The following PTPRB variants were observed in gnomAD, a reference collection of about 807,000 sequenced individuals.
PTPRB encodes protein tyrosine phosphatase receptor type B.
A neutral mutation model predicts 238.1 loss-of-function variants in PTPRB; 97 were observed. The ratio of observed to expected loss-of-function variants is 0.41; its 90% CI spans 0.35 to 0.48. The LOEUF is 0.48. Among genes scored for constraint, PTPRB ranks in the 20% least tolerant of loss-of-function variants. The pLI is 0.30. For missense variants in PTPRB, 2,292 were observed against 2,681.9 expected (o/e 0.85, Z 3.21); for synonymous variants, 970 against 995.4 (o/e 0.97, Z 0.48).
At chr12:70,607,387 A>G (rs1303858637) in intron 4 of PTPRB, among the ~76,000 whole-genome samples, 3 of 152,216 alleles carry the variant, frequency 2.0e-5, no homozygotes, top group African/African-American at 7.2e-5. Flanking sequence ...TCACAGTATT[A>G]GCAATATGAG....
chr12:70,579,119 T>TA (rs1393467897), intron 10 of PTPRB, among the ~76,000 whole-genome samples: 1 of 152,208 alleles, frequency 6.6e-6, no homozygotes, highest in Non-Finnish European at 1.5e-5. Context: ...ATGTGACTGA[T>TA]ACAACTGCAA....
chr12:70,546,755 G>T (rs965724337), intron 21 of PTPRB, among the ~76,000 whole-genome samples: 6 of 152,174 alleles, frequency 3.9e-5, no homozygotes, highest in Non-Finnish European at 7.4e-5. Flanking sequence ...GTCACTGGGG[G>T]TTGGAAGATG....
intron 11 of PTPRB, 43 bp downstream of exon 11, chr12:70,576,339 T>A: frequency 1.3e-6 from 2 of 1,590,930 alleles, no homozygotes; most frequent in Non-Finnish European, 1.7e-6. Flanking sequence ...GAGCCACATG[T>A]GAATTGGTTC....
At chr12:70,576,668 G>GGT (rs1880765888) in intron 10 of PTPRB, 23 bp from the exon 11 acceptor site, 1 of 284,858 alleles carries the variant, frequency 3.5e-6, no homozygotes, top group African/African-American at 3.6e-5. Flanking sequence ...AAGGTGGGGG[G>GGT]CGGGGGGGGG....
At chr12:70,544,079 A>C (rs991647102) in intron 22 of PTPRB, among the ~76,000 whole-genome samples, 2 of 152,212 alleles carry the variant, frequency 1.3e-5, no homozygotes, top group African/African-American at 4.8e-5. Flanking sequence ...GGTTTTTAGT[A>C]CTACAAAGTC....
chr12:70,560,567 A>G lies in PTPRB; in HGVS notation c.4432+104T>C. 6.9e-7 allele frequency: 1 copy of G among 1,441,056 alleles called. No individual in the cohort carries two copies. 89.3% of individuals were successfully genotyped at this position (1,441,056 alleles called of 1,614,324 possible). On this transcript the variant is annotated intron_variant, in intron 17 of 33. Coordinates refer to ENST00000334414, the MANE Select transcript of PTPRB (RefSeq NM_001109754.4). This position sits in a 1 kb window ranked among gnomAD's most constrained non-coding sequence, Gnocchi z 4.2. Reference sequence around the variant, plus strand: ...CCAAATTCAGGGGCTAGCTCAGGGTATATCATTATTGGCTTTATCTCTTGT... The same window carrying G: ...CCAAATTCAGGGGCTAGCTCAGGGTGTATCATTATTGGCTTTATCTCTTGT...
At chr12:70,562,770 A>C in intron 16 of PTPRB, 74 bp downstream of exon 16, 2 of 1,537,112 alleles carry the variant, frequency 1.3e-6, no homozygotes, top group Non-Finnish European at 1.8e-6. Context: ...GAAACTAAGG[A>C]CCAACCAAGG....
At chr12:70,555,755 A>G in intron 19 of PTPRB, 115 bp downstream of exon 19, 1 of 1,321,766 alleles carries the variant, frequency 7.6e-7, no homozygotes, top group South Asian at 1.5e-5. Flanking sequence ...AGACAGGCTT[A>G]TGCAAAAGTG....
chr12:70,602,690 C>T (rs1212599241), intron 4 of PTPRB, among the ~76,000 whole-genome samples: 1 of 152,114 alleles, frequency 6.6e-6, no homozygotes, highest in East Asian at 1.9e-4. Flanking sequence ...ATAGATGAAA[C>T]AAGGTTGGCC....
Position 70,588,109 on chromosome 12 carries a change from AAAAAGAAAAG to A in PTPRB, c.2051-852_2051-843del, listed in dbSNP as rs1170649760. Reference sequence around the variant, plus strand: ...AGACTCTGTCTCAAAAAAAAAAAAAAAAAAGAAAAGAAAAGAAAAGAAAAGAATAAAGTGT... The same window carrying A: ...AGACTCTGTCTCAAAAAAAAAAAAAAAAAAGAAAAGAAAAGAATAAAGTGT... On this transcript the variant is annotated intron_variant, in intron 8 of 33. Transcript: ENST00000334414. Among the ~76,000 whole-genome samples the A allele has an allele frequency of 2.1e-3, 287 of 137,036 alleles. 1 individual carries two copies. Among genetic ancestry groups the A allele is most frequent in the Middle Eastern group, 0.015 (4 of 270 alleles). The allele number at this position is 137,036 out of a possible 152,430, so 89.9% of individuals were successfully genotyped here.
chr12:70,539,079 C>T (rs1874636355), intron 26 of PTPRB, 65 bp from the exon 27 acceptor site: 2 of 1,238,888 alleles, frequency 1.6e-6, no homozygotes, highest in East Asian at 4.7e-5. Context: ...ATCATACAGT[C>T]CTGGAGATAA....
chr12:70,556,248 G>A, intron 18 of PTPRB, 100 bp from the exon 19 acceptor site: 2 of 1,059,362 alleles, frequency 1.9e-6, no homozygotes, highest in Non-Finnish European at 2.7e-6. Context: ...AGGTATAGGA[G>A]GGACAGACAG....
intron 2 of PTPRB, among the ~76,000 whole-genome samples, chr12:70,626,901 A>T (rs1166376079): frequency 1.3e-5 from 2 of 152,158 alleles, no homozygotes; most frequent in East Asian, 3.8e-4. Context: ...AATTAGTGAA[A>T]TAAAGAGTGC....
rs1391188106 is a variant in PTPRB, at chr12:70,576,667, G to T, written c.2579-22C>A. On this transcript the variant is annotated intron_variant, in intron 10 of 33. Transcript: ENST00000334414. Reference sequence around the variant, plus strand: ...GGGACTGTGATTTTGAAAGGTGGGGGGCGGGGGGGGGGGGGAAGGGGGATT... The same window carrying T: ...GGGACTGTGATTTTGAAAGGTGGGGTGCGGGGGGGGGGGGGAAGGGGGATT... 1.4e-4 allele frequency: 38 copies of T among 281,208 alleles called. No homozygotes were observed. The Admixed American group carries it at 1.6e-3, about 12-fold the overall frequency. The allele number at this position is 281,208 out of a possible 1,614,324, so 17.4% of individuals were successfully genotyped here. A position where few individuals can be genotyped will look rare whatever the true frequency, so the allele number is the denominator to read the frequency against.
intron 8 of PTPRB, among the ~76,000 whole-genome samples, chr12:70,588,706 A>G (rs1307202069): frequency 2.0e-5 from 3 of 152,144 alleles, no homozygotes; most frequent in East Asian, 3.9e-4. Context: ...TGATCCTAGC[A>G]CTTTGGGAGG....
chr12:70,594,939 T>C (rs11178315), intron 5 of PTPRB, among the ~76,000 whole-genome samples: 30,466 of 152,118 alleles, frequency 0.2, 3,609 homozygotes, highest in East Asian at 0.32. Context: ...ATAATTTACT[T>C]GTCTGCCTCC....
intron 21 of PTPRB, among the ~76,000 whole-genome samples, chr12:70,550,524 C>A (rs552911525): frequency 6.6e-6 from 1 of 152,248 alleles, no homozygotes; most frequent in South Asian, 2.1e-4. Context: ...ATACTCAGGA[C>A]TACTACTTAG....
chr12:70,523,885 G>A (rs57013994), intron 33 of PTPRB, among the ~76,000 whole-genome samples: 2 of 150,192 alleles, frequency 1.3e-5, no homozygotes, highest in South Asian at 2.1e-4. Flanking sequence ...GTGGGATCTC[G>A]GCCCACTGCA....
Position 70,597,236 on chromosome 12 carries a change from G to A in PTPRB, c.980-909C>T, listed in dbSNP as rs187506813. On this transcript the variant is annotated intron_variant, in intron 4 of 33. Transcript: ENST00000334414. Reference sequence around the variant, plus strand: ...CGCATCTGGCCCCCTATATCCCTAGGTTTTTAAAATCTCAATTTTGGGGCA... The same window carrying A: ...CGCATCTGGCCCCCTATATCCCTAGATTTTTAAAATCTCAATTTTGGGGCA... 5.1e-3 allele frequency among the ~76,000 whole-genome samples: 777 copies of A among 152,198 alleles called. 10 individuals carry two copies. Among genetic ancestry groups the A allele is most frequent in the African/African-American group, 0.018 (738 of 41,516 alleles).
Sources: gnomAD v4.1 joint callset for allele counts (sites outside exome capture counted in the v4.1 genomes callset) on GRCh38, gnomAD v4.1.1 for gene constraint, Gnocchi (gnomAD v3.1) non-coding constraint, MANE v1.5 for transcripts, NCBI Gene and HGNC (gene_info 2026-07-23, HGNC 2026-07-21) for gene names.